SGCZ: variants seen among roughly 807,000 people sequenced by gnomAD.
The protein encoded by SGCZ is sarcoglycan zeta.
SGCZ carries 40 observed loss-of-function variants against 41.3 expected under a neutral mutation model. That is an observed-to-expected ratio of 0.97 (90% confidence interval 0.75 to 1.26). The LOEUF is 1.26. SGCZ is among the 50% of genes most tolerant of loss of function. SGCZ has a pLI of 0.00. For synonymous variants in SGCZ, 206 were observed against 137.5 expected, an observed-to-expected ratio of 1.50 and a Z score of -3.49; for missense variants, 552 against 369.8, an observed-to-expected ratio of 1.49 and a Z score of -4.04.
intron 1 of SGCZ, among the ~76,000 whole-genome samples, chr8:15,126,233 C>T (rs1374130771): frequency 6.6e-6 from 1 of 152,138 alleles, no homozygotes; most frequent in Non-Finnish European, 1.5e-5. Context: ...ATGATTAATG[C>T]TGTATTTTTT....
chr8:14,113,618 T>C (rs1051686109), intron 5 of SGCZ, among the ~76,000 whole-genome samples: 3 of 152,094 alleles, frequency 2.0e-5, no homozygotes, highest in Non-Finnish European at 4.4e-5. Flanking sequence ...CCGGGAAGTA[T>C]ACTGAGATGT....
chr8:14,353,490 G>C (rs776120816), intron 2 of SGCZ, among the ~76,000 whole-genome samples: 2 of 152,130 alleles, frequency 1.3e-5, no homozygotes, highest in South Asian at 2.1e-4. Context: ...ATGCTTTACA[G>C]ATATTTCCAA....
chr8:14,369,551 A>G (rs970061834), intron 2 of SGCZ, among the ~76,000 whole-genome samples: 4 of 151,974 alleles, frequency 2.6e-5, no homozygotes, highest in African/African-American at 9.7e-5. Context: ...CTCTACTGTA[A>G]TATTATTTTA....
chr8:14,881,405 A>G (rs1804583703), intron 1 of SGCZ, among the ~76,000 whole-genome samples: 1 of 152,122 alleles, frequency 6.6e-6, no homozygotes, highest in Non-Finnish European at 1.5e-5. Context: ...TTCTCCAGAA[A>G]GCAGATTCTA....
chr8:14,797,249 T>A (rs994139938), intron 1 of SGCZ, among the ~76,000 whole-genome samples: 17 of 152,060 alleles, frequency 1.1e-4, no homozygotes, highest in Non-Finnish European at 1.6e-4. Context: ...GACAGGAAGA[T>A]TTAGAAAAGT....
intron 1 of SGCZ, among the ~76,000 whole-genome samples, chr8:14,938,813 A>AT (rs762710133): frequency 6.8e-4 from 101 of 148,638 alleles, no homozygotes; most frequent in Middle Eastern, 3.5e-3. Context: ...TACAATGATA[A>AT]TTTTTTTTTT....
chr8:14,453,486 T>C (rs1800656994), intron 2 of SGCZ, among the ~76,000 whole-genome samples: 1 of 152,118 alleles, frequency 6.6e-6, no homozygotes, highest in South Asian at 2.1e-4. Context: ...TACAAATAAG[T>C]TGGATTCCAA....
At chr8:15,025,910 A>T (rs1803440588) in intron 1 of SGCZ, among the ~76,000 whole-genome samples, 1 of 152,192 alleles carries the variant, frequency 6.6e-6, no homozygotes, top group South Asian at 2.1e-4. Context: ...CTAGCCTTAC[A>T]TTCCTGTAGC....
intron 2 of SGCZ, among the ~76,000 whole-genome samples, chr8:14,480,046 C>A (rs1801492781): frequency 6.6e-6 from 1 of 152,182 alleles, no homozygotes; most frequent in East Asian, 1.9e-4. Context: ...GACTGGCCAG[C>A]CATTTCTCCT....
intron 1 of SGCZ, among the ~76,000 whole-genome samples, chr8:14,832,452 G>A (rs553551834): frequency 6.6e-6 from 1 of 152,198 alleles, no homozygotes; most frequent in East Asian, 1.9e-4. Flanking sequence ...TAAAATGAGG[G>A]CATGGAAAAC....
At chr8:14,627,571 G>GT (rs1282914518) in intron 1 of SGCZ, among the ~76,000 whole-genome samples, 2 of 152,014 alleles carry the variant, frequency 1.3e-5, no homozygotes, top group African/African-American at 4.8e-5. Context: ...CTACTATGTG[G>GT]TAATAATTCA....
At chr8:15,227,882 T>A (rs964981652) in intron 1 of SGCZ, among the ~76,000 whole-genome samples, 1 of 152,214 alleles carries the variant, frequency 6.6e-6, no homozygotes, top group Non-Finnish European at 1.5e-5. Context: ...TGTTCACAGA[T>A]AATTTTCACA....
chr8:14,095,428 G>A (rs1585128546), intron 7 of SGCZ, among the ~76,000 whole-genome samples: 1 of 152,084 alleles, frequency 6.6e-6, no homozygotes, highest in Non-Finnish European at 1.5e-5. Context: ...AAGTTCAGAT[G>A]GTCGTAGATG....
chr8:14,879,374 C>A (rs59641559), intron 1 of SGCZ: 5,860 of 151,866 alleles, frequency 0.039, 165 homozygotes, highest in African/African-American at 0.073. Flanking sequence ...ACCAGAAAAA[C>A]AACAAAACAA....
intron 1 of SGCZ, among the ~76,000 whole-genome samples, chr8:14,830,542 T>C (rs963255412): frequency 6.6e-6 from 1 of 152,224 alleles, no homozygotes; most frequent in African/African-American, 2.4e-5. Flanking sequence ...TAACTTTATA[T>C]GTTTTTAATA....
chr8:14,634,160 A>G (rs560137908), intron 1 of SGCZ, among the ~76,000 whole-genome samples: 9 of 151,996 alleles, frequency 5.9e-5, no homozygotes, highest in African/African-American at 1.9e-4. Context: ...AAAGCTTTGA[A>G]TAAGATTTTA....
At position 14,090,494 on chromosome 8, in the gene SGCZ, T is replaced by C; in HGVS notation, c.888A>G (p.Ala296=). 1.9e-6 allele frequency: 3 copies of C among 1,613,064 alleles called. No homozygotes were observed. The highest frequency in any genetic ancestry group is 2.5e-6 in the Non-Finnish European group (3 of 1,179,378). The part of the protein sequence containing the change: ...CPNGKLYLSP[A]GVGSTCQSSS... Reference sequence around the variant, plus strand: ...TGGACTGACAAGTGGAACCTACTCCTGCTGGAGAAAGGTAAAGTTTGCCAT... The same window carrying C: ...TGGACTGACAAGTGGAACCTACTCCCGCTGGAGAAAGGTAAAGTTTGCCAT... Residue 296 remains alanine (A), a synonymous_variant, in exon 8 of 8, where the codon GCA becomes GCG. Transcript: ENST00000382080.
At chr8:14,388,989 C>T (rs1046408906) in intron 2 of SGCZ, among the ~76,000 whole-genome samples, 4 of 151,402 alleles carry the variant, frequency 2.6e-5, no homozygotes, top group Admixed American at 6.6e-5. Flanking sequence ...ATTTCACAGA[C>T]AAGAAAAAAG....
chr8:14,440,523 T>A (rs1292516420), intron 2 of SGCZ, among the ~76,000 whole-genome samples: 3 of 151,592 alleles, frequency 2.0e-5, no homozygotes, highest in African/African-American at 4.9e-5. Context: ...TTATTTTATT[T>A]TAAGAGAAAA....
Sources: gnomAD v4.1 joint callset for allele counts (sites outside exome capture counted in the v4.1 genomes callset) on GRCh38, gnomAD v4.1.1 for gene constraint, MANE v1.5 for transcripts, NCBI Gene and HGNC (gene_info 2026-07-23, HGNC 2026-07-21) for gene names.